Variants in ACTL8 observed in about 807,000 individuals in gnomAD.
ACTL8 encodes the protein actin-like protein 8.
A neutral mutation model predicts 9.3 loss-of-function variants in ACTL8; 3 were observed. That is an observed-to-expected ratio of 0.32 (90% CI 0.15 to 0.83). The LOEUF (loss-of-function observed/expected upper bound fraction) is 0.83. Ranked by LOEUF, ACTL8 falls within the 40% of genes least tolerant of loss-of-function variation. The pLI, the probability that ACTL8 is intolerant of heterozygous loss-of-function variation, is 0.57. For synonymous variants in ACTL8, 224 were observed against 205.9 expected (o/e 1.09, Z -0.75); for missense variants, 381 against 492.2 (o/e 0.77, Z 2.14).
At chr1:17,790,001 G>C (rs1021803382) in intron 1 of ACTL8, among the ~76,000 whole-genome samples, 2 of 152,226 alleles carry the variant, frequency 1.3e-5, no homozygotes, top group Non-Finnish European at 2.9e-5. Flanking sequence ...AGTGTGGAAT[G>C]GCAAGGGGTG....
intron 1 of ACTL8, among the ~76,000 whole-genome samples, chr1:17,763,107 G>T (rs977733991): frequency 6.6e-6 from 1 of 152,150 alleles, no homozygotes; most frequent in Admixed American, 6.5e-5. Flanking sequence ...ATTTCATCCT[G>T]CAATGAAAGA....
chr1:17,761,733 G>A (rs1160696119), intron 1 of ACTL8, among the ~76,000 whole-genome samples: 4 of 152,094 alleles, frequency 2.6e-5, no homozygotes, highest in Admixed American at 1.3e-4. Context: ...ACCACGCCCA[G>A]CTAATTTTTG....
chr1:17,779,593 C>T (rs1270562761), intron 1 of ACTL8, among the ~76,000 whole-genome samples: 3 of 152,190 alleles, frequency 2.0e-5, no homozygotes, highest in East Asian at 3.9e-4. Flanking sequence ...CTGCAAAGCG[C>T]TAAGATGAGC....
intron 1 of ACTL8, among the ~76,000 whole-genome samples, chr1:17,784,889 T>C (rs1482031855): frequency 1.3e-5 from 2 of 152,022 alleles, no homozygotes. Context: ...AGAAGTTGAA[T>C]TGGACTTACA....
chr1:17,757,122 C>T (rs1401806478), intron 1 of ACTL8, among the ~76,000 whole-genome samples: 1 of 151,990 alleles, frequency 6.6e-6, no homozygotes, highest in Non-Finnish European at 1.5e-5. Flanking sequence ...GAGCAAGACC[C>T]TAGCTCTAAA....
At chr1:17,789,314 AAT>A (rs2066220775) in intron 1 of ACTL8, among the ~76,000 whole-genome samples, 1 of 152,096 alleles carries the variant, frequency 6.6e-6, no homozygotes, top group African/African-American at 2.4e-5. Flanking sequence ...CTGGGAAGGG[AAT>A]AACTTCTCCC....
intron 1 of ACTL8, among the ~76,000 whole-genome samples, chr1:17,798,788 C>T (rs2066297458): frequency 6.6e-6 from 1 of 152,212 alleles, no homozygotes; most frequent in Non-Finnish European, 1.5e-5. Flanking sequence ...TCCATTCCAG[C>T]TCCTGGACCC....
At chr1:17,782,573 G>A (rs1233830700) in intron 1 of ACTL8, among the ~76,000 whole-genome samples, 2 of 152,122 alleles carry the variant, frequency 1.3e-5, no homozygotes, top group African/African-American at 2.4e-5. Context: ...CATAACATAC[G>A]TAACGGTGTA....
chr1:17,783,904 G>A (rs2066175747), intron 1 of ACTL8, among the ~76,000 whole-genome samples: 1 of 152,140 alleles, frequency 6.6e-6, no homozygotes, highest in African/African-American at 2.4e-5. Context: ...CTCTAGGATG[G>A]GTCTGGCATC....
intron 1 of ACTL8, among the ~76,000 whole-genome samples, chr1:17,785,891 A>T (rs933529739): frequency 6.6e-6 from 1 of 152,096 alleles, no homozygotes; most frequent in Admixed American, 6.5e-5. Flanking sequence ...CTTGGATCTC[A>T]CAAGGCCACA....
chr1:17,782,099 C>T (rs753251427), intron 1 of ACTL8, among the ~76,000 whole-genome samples: 1 of 152,066 alleles, frequency 6.6e-6, no homozygotes, highest in Non-Finnish European at 1.5e-5. Context: ...AACACACACA[C>T]CTTTGGTATA....
chr1:17,799,735 A>T (rs1462883428), intron 1 of ACTL8, among the ~76,000 whole-genome samples: 6 of 152,130 alleles, frequency 3.9e-5, no homozygotes, highest in Admixed American at 3.3e-4. Flanking sequence ...TTATAAATTT[A>T]GGTCTTTAAT....
chr1:17,808,757 A>T (rs1001423867), intron 1 of ACTL8, among the ~76,000 whole-genome samples: 1 of 152,140 alleles, frequency 6.6e-6, no homozygotes, highest in Non-Finnish European at 1.5e-5. Context: ...TATGGGGTGA[A>T]GGTTTGGTGT....
intron 1 of ACTL8, among the ~76,000 whole-genome samples, chr1:17,795,514 T>C (rs4141983): frequency 0.37 from 55,842 of 152,108 alleles, 10,788 homozygotes; most frequent in East Asian, 0.58. Context: ...CCCTTCCCTC[T>C]GTTACTTGGG....
At chr1:17,761,313 G>A (rs764428116) in intron 1 of ACTL8, among the ~76,000 whole-genome samples, 2 of 152,048 alleles carry the variant, frequency 1.3e-5, no homozygotes, top group Admixed American at 6.6e-5. Flanking sequence ...AGGGCCTAGC[G>A]CAGTGCCTGG....
intron 1 of ACTL8, among the ~76,000 whole-genome samples, chr1:17,785,839 C>G (rs1340107527): frequency 6.6e-6 from 1 of 152,168 alleles, no homozygotes; most frequent in Non-Finnish European, 1.5e-5. Flanking sequence ...CTCACCATTT[C>G]CTTGGGTCGG....
Position 17,826,336 on chromosome 1 carries a change from G to C in ACTL8, c.918G>C (p.Gly306=), listed in dbSNP as rs757009213. The change falls in exon 3 of 3, where the codon GGG becomes GGC. Residue 306 remains glycine (G), a synonymous_variant. Coordinates refer to ENST00000375406, the MANE Select transcript of ACTL8 (RefSeq NM_030812.3). This position sits in a 1 kb window ranked among gnomAD's most constrained non-coding sequence, Gnocchi z 4.5. ...MACGGNTLYP[G]FTKRLFRELM... is the part of the protein sequence containing the mutation. ...GCGGGGGCAACACCCTCTATCCCGG[G>C]TTCACAAAGCGCCTGTTCAGGGAGC... 3.7e-6 allele frequency: 6 copies of C among 1,613,842 alleles called. No homozygotes were observed. Among genetic ancestry groups the C allele is most frequent in the Non-Finnish European group, 5.1e-6 (6 of 1,179,864 alleles).
At chr1:17,804,528 A>T (rs1557442080) in intron 1 of ACTL8, among the ~76,000 whole-genome samples, 1 of 151,950 alleles carries the variant, frequency 6.6e-6, no homozygotes, top group East Asian at 1.9e-4. Context: ...ACGAGGACAC[A>T]GGGACCCAGC....
intron 1 of ACTL8, among the ~76,000 whole-genome samples, chr1:17,796,617 T>G (rs1392414545): frequency 6.6e-6 from 1 of 152,196 alleles, no homozygotes; most frequent in Non-Finnish European, 1.5e-5. Flanking sequence ...CTGGGGTAAA[T>G]GGGCATAATC....
Sources: allele counts gnomAD v4.1 joint callset (sites outside exome capture counted in the v4.1 genomes callset), GRCh38; gene constraint gnomAD v4.1.1; non-coding constraint Gnocchi (gnomAD v3.1); transcripts MANE v1.5; gene names NCBI Gene and HGNC (gene_info 2026-07-23, HGNC 2026-07-21).